Variants in GABRB2 observed in about 807,000 individuals in gnomAD.
GABRB2 encodes the protein gamma-aminobutyric acid receptor subunit beta-2.
In GABRB2, 16 loss-of-function variants were observed where a neutral mutation model predicts 54.7. That is an observed-to-expected ratio of 0.29 (90% CI 0.20 to 0.44). GABRB2 has a LOEUF of 0.44. Among genes scored for constraint, GABRB2 ranks in the 20% least tolerant of loss-of-function variants. GABRB2 has a pLI of 1.00. For synonymous variants in GABRB2, 244 were observed against 233.8 expected (o/e 1.04, Z -0.40); for missense variants, 355 against 644.0 (o/e 0.55, Z 4.86).
At chr5:161,547,738 G>C (rs991713723), upstream of GABRB2, among the ~76,000 whole-genome samples, 3 of 152,092 alleles carry the variant, frequency 2.0e-5, no homozygotes, top group African/African-American at 7.2e-5. Context: ...AGGTGCGGGG[G>C]ACTGGAGGGC....
chr5:161,410,073 T>C lies in GABRB2; in HGVS notation c.541+902A>G, dbSNP rs867210467. On this transcript the variant is annotated intron_variant, in intron 5 of 9. Transcript: ENST00000393959. Reference sequence around the variant, plus strand: ...CAGAGCTAAAACTCCTCATAAAGGCTAAGAGTACCCTCACAACAGTCCAGT... The same window carrying C: ...CAGAGCTAAAACTCCTCATAAAGGCCAAGAGTACCCTCACAACAGTCCAGT... 2.0e-5 allele frequency among the ~76,000 whole-genome samples: 3 copies of C among 152,260 alleles called. 1 individual carries two copies. The South Asian group carries it at 6.2e-4, about 32-fold the overall frequency.
intron 5 of GABRB2, among the ~76,000 whole-genome samples, chr5:161,368,061 G>A (rs1378127745): frequency 6.8e-6 from 1 of 147,524 alleles, no homozygotes; most frequent in African/African-American, 2.5e-5. Flanking sequence ...CCCAAAATTG[G>A]GATCTTGTTT....
At chr5:161,482,421 C>T (rs747944715) in intron 3 of GABRB2, among the ~76,000 whole-genome samples, 1 of 152,094 alleles carries the variant, frequency 6.6e-6, no homozygotes, top group Non-Finnish European at 1.5e-5. Flanking sequence ...ATCATTTCTT[C>T]TCACTTTAAT....
chr5:161,489,466 A>G (rs184598378), intron 3 of GABRB2, among the ~76,000 whole-genome samples: 58 of 151,816 alleles, frequency 3.8e-4, no homozygotes, highest in African/African-American at 1.3e-3. Context: ...TATGAGGAAA[A>G]CAAAAGACAA....
intron 3 of GABRB2, among the ~76,000 whole-genome samples, chr5:161,514,386 T>A (rs1309111560): frequency 6.6e-6 from 1 of 152,186 alleles, no homozygotes; most frequent in African/African-American, 2.4e-5. Context: ...CTTAATTGCA[T>A]GTTGACTTGA....
intron 3 of GABRB2, among the ~76,000 whole-genome samples, chr5:161,464,725 A>G (rs978724036): frequency 3.9e-5 from 6 of 152,182 alleles, no homozygotes; most frequent in Admixed American, 3.9e-4. Flanking sequence ...AAAAGGAACC[A>G]ACTTATTGAT....
chr5:161,536,993 C>T (rs745761270), intron 3 of GABRB2, among the ~76,000 whole-genome samples: 2 of 152,102 alleles, frequency 1.3e-5, no homozygotes, highest in African/African-American at 4.8e-5. Flanking sequence ...ACTCCTCTTG[C>T]TACATTTCAC....
chr5:161,509,039 A>G (rs1343562051), intron 3 of GABRB2, among the ~76,000 whole-genome samples: 1 of 151,876 alleles, frequency 6.6e-6, no homozygotes, highest in Non-Finnish European at 1.5e-5. Flanking sequence ...CATTATAGAT[A>G]GCTATATAAA....
At chr5:161,424,161 A>T (rs1756930702) in intron 4 of GABRB2, among the ~76,000 whole-genome samples, 2 of 152,174 alleles carry the variant, frequency 1.3e-5, no homozygotes, top group Admixed American at 1.3e-4. Context: ...TGAAGTTCAA[A>T]TGCTGATGGA....
chr5:161,496,387 C>T (rs374004394), intron 3 of GABRB2, among the ~76,000 whole-genome samples: 24 of 151,808 alleles, frequency 1.6e-4, no homozygotes, highest in African/African-American at 4.1e-4. Flanking sequence ...AATTAAAATG[C>T]GGTTTATTGA....
At chr5:161,543,995 G>A (rs952445746) in intron 3 of GABRB2, among the ~76,000 whole-genome samples, 1 of 152,120 alleles carries the variant, frequency 6.6e-6, no homozygotes, top group Admixed American at 6.5e-5. Context: ...TATAAGCACA[G>A]TATTCATTTG....
At chr5:161,540,824 T>C (rs1464505825) in intron 3 of GABRB2, among the ~76,000 whole-genome samples, 1 of 152,076 alleles carries the variant, frequency 6.6e-6, no homozygotes, top group East Asian at 1.9e-4. Context: ...TTGTTTGTTT[T>C]CTAATTGTAA....
At chr5:161,517,003 G>A (rs1320724719) in intron 3 of GABRB2, among the ~76,000 whole-genome samples, 5 of 152,082 alleles carry the variant, frequency 3.3e-5, no homozygotes, top group African/African-American at 1.2e-4. Context: ...CTTTTGTCAT[G>A]AGCCAATTTG....
At chr5:161,384,855 AGTT>A (rs1412653819) in intron 5 of GABRB2, among the ~76,000 whole-genome samples, 5 of 152,088 alleles carry the variant, frequency 3.3e-5, no homozygotes, top group Non-Finnish European at 7.4e-5. Context: ...CCATTCTTAG[AGTT>A]GGGGGAAGAA....
intron 9 of GABRB2, among the ~76,000 whole-genome samples, chr5:161,304,135 G>C (rs1367418380): frequency 2.0e-5 from 3 of 152,162 alleles, no homozygotes; most frequent in Non-Finnish European, 4.4e-5. Flanking sequence ...AGGTGTAGTG[G>C]AGATTAGGGA....
At position 161,404,763 on chromosome 5, in the gene GABRB2, A is replaced by C. The variant is rs140293758; in HGVS notation, c.541+6212T>G. Among the ~76,000 whole-genome samples the C allele has an allele frequency of 3.9e-3, 590 of 152,194 alleles. 3 individuals are homozygous for C. Among genetic ancestry groups the C allele is most frequent in the Non-Finnish European group, 6.0e-3 (405 of 67,984 alleles). ...GGGATGTGATTTTCATCTTTTCCTA[A>C]ACAGCATTGCTCTCAGAGGTATATG... On this transcript the variant is annotated intron_variant, in intron 5 of 9. Coordinates refer to ENST00000393959, the MANE Select transcript of GABRB2 (RefSeq NM_001371727.1).
intron 4 of GABRB2, among the ~76,000 whole-genome samples, chr5:161,435,082 A>G (rs1757271548): frequency 6.6e-6 from 1 of 152,204 alleles, no homozygotes; most frequent in Non-Finnish European, 1.5e-5. Context: ...GGGTCTAGTT[A>G]TTATTATAGA....
intron 5 of GABRB2, among the ~76,000 whole-genome samples, chr5:161,341,995 T>C (rs1309410880): frequency 8.2e-5 from 12 of 146,152 alleles, no homozygotes; most frequent in African/African-American, 2.8e-4. Flanking sequence ...TTTTTTCTAG[T>C]GGGAAATTAA....
rs34941072 is a variant in GABRB2, at chr5:161,331,894, G to C, written c.833-767C>G. On this transcript the variant is annotated intron_variant, in intron 7 of 9. Transcript: ENST00000393959. The stretch of plus-strand genomic sequence containing the variant: ...TAAAGAATGCCAGTTGGCCGGGCGC[G>C]GTGGCTCACGCTTGTAATCCCAGCA... 1.7e-4 allele frequency among the ~76,000 whole-genome samples: 26 copies of C among 152,080 alleles called. 1 individual carries two copies. In the East Asian group the frequency reaches 4.7e-3, roughly 27 times the overall value.
Sources: gnomAD v4.1 joint callset for allele counts (sites outside exome capture counted in the v4.1 genomes callset) on GRCh38, gnomAD v4.1.1 for gene constraint, MANE v1.5 for transcripts, NCBI Gene and HGNC (gene_info 2026-07-23, HGNC 2026-07-21) for gene names.